The following PTPRG variants were observed in gnomAD, a reference collection of about 807,000 sequenced individuals.
PTPRG encodes protein tyrosine phosphatase receptor type G.
In PTPRG, 102 loss-of-function variants were observed where a neutral mutation model predicts 165.3. The ratio of observed to expected loss-of-function variants is 0.62; its 90% CI spans 0.53 to 0.73. PTPRG has a LOEUF of 0.73. PTPRG is among the 30% of genes least tolerant of loss of function. The pLI is 0.00. For synonymous variants in PTPRG, 675 were observed against 669.5 expected (o/e 1.01, Z -0.13); for missense variants, 1,866 against 1,861.4 (o/e 1.00, Z -0.05).
At chr3:61,772,807 G>T (rs535803521) in intron 2 of PTPRG, among the ~76,000 whole-genome samples, 2 of 152,238 alleles carry the variant, frequency 1.3e-5, no homozygotes, top group African/African-American at 4.8e-5. Context: ...GTGCTGGTGC[G>T]TTTATTTTTG....
rs376079611 is a variant in PTPRG at position 61,795,066 on chromosome 3, A to C, written c.190+46084A>C. Among the ~76,000 whole-genome samples, 13 of 152,320 alleles carry C rather than the reference A, an allele frequency of 8.5e-5. No individual in the cohort carries two copies. In the East Asian group the frequency reaches 2.3e-3, roughly 27 times the overall value. ...CTTAATATATTCCTGACACAGTGTC[A>C]AGTGTCTCATTTAATCCTCCTGCCA... On this transcript the variant is annotated intron_variant, in intron 2 of 29. Transcript: ENST00000474889.
chr3:61,873,709 AT>A lies in PTPRG; in HGVS notation c.191-115910del, dbSNP rs200731571. On this transcript the variant is annotated intron_variant, in intron 2 of 29. Coordinates refer to ENST00000474889, the MANE Select transcript of PTPRG (RefSeq NM_002841.4). ...TTTTTGTCCACTGTATTCTCTGCTT[AT>A]TTTTTATTTACTTTTTACCATTGGC... 3.0e-3 allele frequency among the ~76,000 whole-genome samples: 458 copies of A among 152,170 alleles called. 1 individual carries two copies. The highest frequency in any genetic ancestry group is 0.01 in the African/African-American group (432 of 41,536).
intron 2 of PTPRG, among the ~76,000 whole-genome samples, chr3:61,833,067 TTGTG>T (rs113069211): frequency 2.4e-4 from 35 of 146,886 alleles, no homozygotes; most frequent in East Asian, 8.0e-4. Flanking sequence ...TAGTATTCCA[TTGTG>T]TGTGTGTGTG....
At chr3:62,048,886 A>G (rs966713872) in intron 4 of PTPRG, among the ~76,000 whole-genome samples, 1 of 152,234 alleles carries the variant, frequency 6.6e-6, no homozygotes, top group Admixed American at 6.5e-5. Context: ...GGAGGCACAT[A>G]ACTTTCATTT....
chr3:61,898,373 A>G (rs975000323), intron 2 of PTPRG, among the ~76,000 whole-genome samples: 2 of 152,018 alleles, frequency 1.3e-5, no homozygotes, highest in African/African-American at 4.8e-5. Flanking sequence ...CTTTTTAAAC[A>G]TTGCACAGAG....
chr3:62,183,152 G>A (rs1400869401), intron 8 of PTPRG, among the ~76,000 whole-genome samples: 1 of 152,192 alleles, frequency 6.6e-6, no homozygotes, highest in African/African-American at 2.4e-5. Flanking sequence ...TAAAACAAGG[G>A]TAATGATAGA....
At chr3:61,898,262 C>T (rs1370969098) in intron 2 of PTPRG, among the ~76,000 whole-genome samples, 1 of 152,128 alleles carries the variant, frequency 6.6e-6, no homozygotes, top group African/African-American at 2.4e-5. Context: ...ACTATATTGC[C>T]CAGGCTGGTC....
chr3:61,729,944 T>C (rs550994813), intron 1 of PTPRG, among the ~76,000 whole-genome samples: 1 of 152,348 alleles, frequency 6.6e-6, no homozygotes, highest in East Asian at 1.9e-4. Context: ...TGTGATAATA[T>C]AATGATTGAT....
Position 62,254,065 on chromosome 3 carries a change from C to T in PTPRG, c.2468-1059C>T, listed in dbSNP as rs1178418842. Among the ~76,000 whole-genome samples, 2 of 152,342 alleles carry T rather than the reference C, an allele frequency of 1.3e-5. No individual in the cohort carries two copies. Among genetic ancestry groups the T allele is most frequent in the Non-Finnish European group, 2.9e-5 (2 of 68,032 alleles). On this transcript the variant is annotated intron_variant, in intron 15 of 29. Transcript: ENST00000474889. This position sits in a 1 kb window ranked among gnomAD's most constrained non-coding sequence, Gnocchi z 4.6. ...GAAGGAATGACATAGTCAATGTTAA[C>T]TGTCACCAGATGAAGAGAAATCAGA...
chr3:61,657,960 A>G (rs1347239347), intron 1 of PTPRG, among the ~76,000 whole-genome samples: 2 of 152,142 alleles, frequency 1.3e-5, no homozygotes, highest in Admixed American at 1.3e-4. Context: ...TGTGGGTGAC[A>G]TGAGTGTGCA....
At chr3:61,584,489 A>C (rs1700385645) in intron 1 of PTPRG, among the ~76,000 whole-genome samples, 2 of 152,100 alleles carry the variant, frequency 1.3e-5, no homozygotes, top group African/African-American at 4.8e-5. Flanking sequence ...TACAACTTAA[A>C]ATCAATACGA....
At chr3:61,649,509 C>G (rs1702290430) in intron 1 of PTPRG, among the ~76,000 whole-genome samples, 1 of 152,066 alleles carries the variant, frequency 6.6e-6, no homozygotes, top group African/African-American at 2.4e-5. Flanking sequence ...AACAAGTGAA[C>G]CAAACACTAT....
intron 10 of PTPRG, among the ~76,000 whole-genome samples, chr3:62,201,086 T>C (rs1171804837): frequency 6.6e-6 from 1 of 152,174 alleles, no homozygotes. Flanking sequence ...AGGTACACCT[T>C]TTCTCTAGCA....
intron 2 of PTPRG, among the ~76,000 whole-genome samples, chr3:61,884,696 C>T (rs1459421263): frequency 6.6e-6 from 1 of 152,154 alleles, no homozygotes; most frequent in Non-Finnish European, 1.5e-5. Context: ...GATACTTTAA[C>T]TTTTCTTCTT....
chr3:61,841,465 A>T (rs2036630738), intron 2 of PTPRG, among the ~76,000 whole-genome samples: 1 of 152,210 alleles, frequency 6.6e-6, no homozygotes, highest in Non-Finnish European at 1.5e-5. Flanking sequence ...CATTATCCAG[A>T]CTAATGGGGC....
chr3:61,867,864 G>A (rs750052073), intron 2 of PTPRG, among the ~76,000 whole-genome samples: 1 of 152,192 alleles, frequency 6.6e-6, no homozygotes, highest in African/African-American at 2.4e-5. Context: ...CTCATGTGGT[G>A]TGTGGGGCCC....
chr3:62,273,623 A>C lies in PTPRG; in HGVS notation c.3319-75A>C, dbSNP rs1702143595. On this transcript the variant is annotated intron_variant, in intron 22 of 29. Coordinates refer to ENST00000474889, the MANE Select transcript of PTPRG (RefSeq NM_002841.4). This position sits in a 1 kb window ranked among gnomAD's most constrained non-coding sequence, Gnocchi z 4.1. ...AGGTCCCTGTTAGCAGCAGAATTAAACTAAGGTACACTTCATGAATGAGTG... is the reference window on the plus strand; with the variant it reads ...AGGTCCCTGTTAGCAGCAGAATTAACCTAAGGTACACTTCATGAATGAGTG... 6.8e-7 allele frequency: 1 copy of C among 1,464,722 alleles called. No homozygotes were observed. Among genetic ancestry groups the C allele is most frequent in the Admixed American group, 1.8e-5 (1 of 56,720 alleles). The allele number at this position is 1,464,722 out of a possible 1,614,324, so 90.7% of individuals were successfully genotyped here.
At chr3:61,772,268 C>G (rs2034233304) in intron 2 of PTPRG, among the ~76,000 whole-genome samples, 1 of 151,840 alleles carries the variant, frequency 6.6e-6, no homozygotes, top group Non-Finnish European at 1.5e-5. Flanking sequence ...ATCTGTGAAG[C>G]ACTCGTTTAG....
Position 62,267,839 on chromosome 3 carries a change from C to T in PTPRG, c.2874+20C>T. The T allele has an allele frequency of 6.2e-7, 1 of 1,608,442 alleles. No homozygotes were observed. Among genetic ancestry groups the T allele is most frequent in the Non-Finnish European group, 8.5e-7 (1 of 1,177,654 alleles). On this transcript the variant is annotated intron_variant, in intron 19 of 29. Coordinates refer to ENST00000474889, the MANE Select transcript of PTPRG (RefSeq NM_002841.4). ...GGAAGAGTAAGAGCCTTTTGACTCA[C>T]TATCTTAATAATGCACCTTCATTCA...
Sources: allele counts gnomAD v4.1 joint callset (sites outside exome capture counted in the v4.1 genomes callset), GRCh38; gene constraint gnomAD v4.1.1; non-coding constraint Gnocchi (gnomAD v3.1); transcripts MANE v1.5; gene names NCBI Gene and HGNC (gene_info 2026-07-23, HGNC 2026-07-21).